NRXN1: variants seen among roughly 807,000 people sequenced by gnomAD.
The protein encoded by NRXN1 is neurexin 1, also known as neurexin-1.
NRXN1 carries 39 observed loss-of-function variants against 150.9 expected under a neutral mutation model. The observed-to-expected ratio is 0.26, with a 90% CI of 0.20 to 0.34. The LOEUF (loss-of-function observed/expected upper bound fraction) is 0.34, where lower values mean the gene tolerates loss of function less well. Ranked by LOEUF, NRXN1 falls within the 10% of genes least tolerant of loss-of-function variation. NRXN1 has a pLI of 1.00. For synonymous variants in NRXN1, 924 were observed against 757.0 expected (o/e 1.22, Z -3.62); for missense variants, 1,815 against 1,949.9 (o/e 0.93, Z 1.30).
chr2:50,392,014 T>G (rs906002994), intron 17 of NRXN1, among the ~76,000 whole-genome samples: 1 of 152,162 alleles, frequency 6.6e-6, no homozygotes, highest in Non-Finnish European at 1.5e-5. Context: ...AGGCAGATTA[T>G]GAAACTTACT....
intron 5 of NRXN1, among the ~76,000 whole-genome samples, chr2:50,625,118 G>C (rs1680773271): frequency 1.3e-5 from 2 of 151,798 alleles, no homozygotes; most frequent in Admixed American, 1.3e-4. Context: ...TACATCAGCA[G>C]GTGTTGCATT....
rs59774040 is a variant in NRXN1 at position 50,591,381 on chromosome 2, CAGATAGATAGATAGAT to C, written c.1320+28625_1320+28640del. On this transcript the variant is annotated intron_variant, in intron 8 of 22. Coordinates refer to ENST00000401669, the MANE Select transcript of NRXN1 (RefSeq NM_001330078.2). ...GAAAATTCTACCATACACTATATAT[CAGATAGATAGATAGAT>C]AGATAGATAGATAGATAGATAGATA... 1.4e-3 allele frequency among the ~76,000 whole-genome samples: 189 copies of C among 134,826 alleles called. 1 individual carries two copies. The highest frequency in any genetic ancestry group is 3.8e-3 in the Middle Eastern group (1 of 262). 88.5% of individuals were successfully genotyped at this position (134,826 alleles called of 152,430 possible). A position where few individuals can be genotyped will look rare whatever the true frequency, so the allele number is the denominator to read the frequency against.
At chr2:50,375,770 A>G (rs981521893) in intron 17 of NRXN1, among the ~76,000 whole-genome samples, 1 of 151,888 alleles carries the variant, frequency 6.6e-6, no homozygotes, top group Admixed American at 6.5e-5. Flanking sequence ...ATCATAATAA[A>G]AAGTCAGAAA....
intron 2 of NRXN1, among the ~76,000 whole-genome samples, chr2:50,927,310 G>C (rs776868763): frequency 6.6e-6 from 1 of 151,960 alleles, no homozygotes; most frequent in Non-Finnish European, 1.5e-5. Context: ...TATCAACACA[G>C]GCACATCTAC....
intron 2 of NRXN1, among the ~76,000 whole-genome samples, chr2:50,936,863 T>C (rs905356404): frequency 6.6e-5 from 10 of 152,076 alleles, no homozygotes; most frequent in African/African-American, 2.4e-4. Flanking sequence ...GTGGGTAGTG[T>C]GATAATTTTT....
chr2:49,958,578 G>A (rs1193826343), intron 21 of NRXN1, among the ~76,000 whole-genome samples: 1 of 152,154 alleles, frequency 6.6e-6, no homozygotes, highest in Non-Finnish European at 1.5e-5. Context: ...TTAAGGACAA[G>A]AAAGAAACCT....
At chr2:50,663,099 T>C (rs893197883) in intron 5 of NRXN1, among the ~76,000 whole-genome samples, 3 of 152,060 alleles carry the variant, frequency 2.0e-5, no homozygotes, top group African/African-American at 4.8e-5. Flanking sequence ...AGAAAACATG[T>C]CCAAGACATC....
chr2:50,561,874 G>C (rs751238435), intron 8 of NRXN1, among the ~76,000 whole-genome samples: 31 of 152,172 alleles, frequency 2.0e-4, no homozygotes, highest in Admixed American at 3.9e-4. Context: ...AAAAGGAAGT[G>C]ATGAAGATAC....
chr2:50,188,909 A>G (rs964356940), intron 18 of NRXN1, among the ~76,000 whole-genome samples: 28 of 152,116 alleles, frequency 1.8e-4, no homozygotes, highest in African/African-American at 6.8e-4. Context: ...TCGCTCTTAA[A>G]CTGTTTTTGG....
At chr2:50,404,235 A>G (rs753735253) in intron 17 of NRXN1, among the ~76,000 whole-genome samples, 1 of 151,892 alleles carries the variant, frequency 6.6e-6, no homozygotes, top group Non-Finnish European at 1.5e-5. Flanking sequence ...TAATAGGTGA[A>G]AAGACTTTAA....
intron 5 of NRXN1, among the ~76,000 whole-genome samples, chr2:50,727,240 T>C (rs529419143): frequency 1.3e-5 from 2 of 152,354 alleles, no homozygotes; most frequent in African/African-American, 4.8e-5. Context: ...GCAAAACTGC[T>C]ACTTATGAAG....
chr2:50,792,233 G>T (rs1706150356), intron 5 of NRXN1, among the ~76,000 whole-genome samples: 1 of 152,000 alleles, frequency 6.6e-6, no homozygotes. Context: ...TAATTACAAA[G>T]TAAAGACATT....
At chr2:50,828,702 A>G (rs2105872562) in intron 5 of NRXN1, among the ~76,000 whole-genome samples, 1 of 150,592 alleles carries the variant, frequency 6.6e-6, no homozygotes, top group Middle Eastern at 3.6e-3. Context: ...CTCACTTCCT[A>G]GATGGGATGG....
chr2:50,758,812 A>G (rs1300937258), intron 5 of NRXN1, among the ~76,000 whole-genome samples: 4 of 151,854 alleles, frequency 2.6e-5, no homozygotes, highest in African/African-American at 4.8e-5. Context: ...ATTCGCACCA[A>G]CCTAATCACA....
At chr2:50,022,369 C>A (rs1328223478) in intron 21 of NRXN1, among the ~76,000 whole-genome samples, 2 of 152,124 alleles carry the variant, frequency 1.3e-5, no homozygotes, top group African/African-American at 2.4e-5. Flanking sequence ...AAAGGTGATA[C>A]CTTAGTACTT....
chr2:50,586,076 C>T lies in NRXN1; in HGVS notation c.1321-33051G>A, dbSNP rs150049272. ...CTCAAATTGACTCCCACTCTTACCTCGCTGATACATCCTTTCTCACTTAAT... is the reference window on the plus strand; with the variant it reads ...CTCAAATTGACTCCCACTCTTACCTTGCTGATACATCCTTTCTCACTTAAT... On this transcript the variant is annotated intron_variant, in intron 8 of 22. Coordinates refer to ENST00000401669, the MANE Select transcript of NRXN1 (RefSeq NM_001330078.2). Among the ~76,000 whole-genome samples, 923 of 152,278 alleles carry T rather than the reference C, an allele frequency of 6.1e-3. 8 individuals are homozygous for T. The highest frequency in any genetic ancestry group is 9.9e-3 in the Non-Finnish European group (673 of 68,022).
At chr2:51,017,726 T>A (rs1163041892) in intron 2 of NRXN1, among the ~76,000 whole-genome samples, 3 of 151,940 alleles carry the variant, frequency 2.0e-5, no homozygotes, top group Non-Finnish European at 4.4e-5. Context: ...AAATACAATA[T>A]GTAACTTCCT....
At chr2:50,397,493 A>C (rs1006220163) in intron 17 of NRXN1, among the ~76,000 whole-genome samples, 53 of 152,142 alleles carry the variant, frequency 3.5e-4, no homozygotes, top group Non-Finnish European at 6.6e-4. Context: ...TATTACAGCC[A>C]TGTTACAGAT....
At chr2:50,081,552 A>G (rs1697971057) in intron 19 of NRXN1, among the ~76,000 whole-genome samples, 1 of 152,218 alleles carries the variant, frequency 6.6e-6, no homozygotes. Context: ...CTCTGCCTCA[A>G]AAAACAAAAC....
Sources: allele counts gnomAD v4.1 joint callset (sites outside exome capture counted in the v4.1 genomes callset), GRCh38; gene constraint gnomAD v4.1.1; transcripts MANE v1.5; gene names NCBI Gene and HGNC (gene_info 2026-07-23, HGNC 2026-07-21).